KCTD16: variants seen among roughly 807,000 people sequenced by gnomAD.
The protein encoded by KCTD16 is potassium channel tetramerization domain containing 16.
In KCTD16, 13 loss-of-function variants were observed where a neutral mutation model predicts 33.2. That is an observed-to-expected ratio of 0.39 (90% CI 0.25 to 0.62). The LOEUF (loss-of-function observed/expected upper bound fraction) is 0.62. Ranked by LOEUF, KCTD16 falls within the 20% of genes least tolerant of loss-of-function variation. The pLI, the probability that KCTD16 is intolerant of heterozygous loss-of-function variation, is 0.50. For synonymous variants in KCTD16, 197 were observed against 195.3 expected, an observed-to-expected ratio of 1.01 and a Z score of -0.07; for missense variants, 441 against 525.1, an observed-to-expected ratio of 0.84 and a Z score of 1.57.
intron 3 of KCTD16, among the ~76,000 whole-genome samples, chr5:144,405,150 A>G (rs914821797): frequency 6.6e-6 from 1 of 152,220 alleles, no homozygotes; most frequent in South Asian, 2.1e-4. Flanking sequence ...AATTTGAACC[A>G]CAACTTTCTA....
At chr5:144,328,862 T>C (rs1416714998) in intron 3 of KCTD16, among the ~76,000 whole-genome samples, 6 of 134,098 alleles carry the variant, frequency 4.5e-5, no homozygotes, top group African/African-American at 1.9e-4. Context: ...GTAGCTTTTT[T>C]CTTTTTTTTT....
At chr5:144,176,387 CTTTTTTTTTTTTTT>C (rs368578231) in intron 2 of KCTD16, among the ~76,000 whole-genome samples, 3 of 106,660 alleles carry the variant, frequency 2.8e-5, no homozygotes, top group Non-Finnish European at 5.9e-5. Flanking sequence ...TATAGTGTTT[CTTTTTTTTTTTTTT>C]TTTTTTTTTT....
chr5:144,283,034 A>G (rs889286083), intron 3 of KCTD16, among the ~76,000 whole-genome samples: 6 of 152,022 alleles, frequency 3.9e-5, no homozygotes, highest in Non-Finnish European at 7.4e-5. Context: ...AAGAGGGGGA[A>G]TTGGATTTCT....
At chr5:144,208,504 A>G (rs1434644833) in intron 3 of KCTD16, among the ~76,000 whole-genome samples, 1 of 152,260 alleles carries the variant, frequency 6.6e-6, no homozygotes, top group Non-Finnish European at 1.5e-5. Context: ...GCCGATTTTC[A>G]ACAGGCCCAG....
chr5:144,270,977 T>C (rs1001509430), intron 3 of KCTD16, among the ~76,000 whole-genome samples: 3 of 151,794 alleles, frequency 2.0e-5, no homozygotes, highest in Non-Finnish European at 2.9e-5. Flanking sequence ...CATGAAAAAA[T>C]AGAAAATTTG....
chr5:144,398,706 A>ACTCTCTCT (rs202105888), intron 3 of KCTD16, among the ~76,000 whole-genome samples: 1 of 146,498 alleles, frequency 6.8e-6, no homozygotes, highest in Admixed American at 6.7e-5. Flanking sequence ...ACACACACAC[A>ACTCTCTCT]CACTCTCTCT....
intron 3 of KCTD16, among the ~76,000 whole-genome samples, chr5:144,296,394 G>A (rs573210772): frequency 6.6e-6 from 1 of 152,308 alleles, no homozygotes; most frequent in Admixed American, 6.5e-5. Flanking sequence ...AGGTAGGCAT[G>A]TTGGCAACTC....
chr5:144,283,073 A>G (rs892747880), intron 3 of KCTD16, among the ~76,000 whole-genome samples: 2 of 152,044 alleles, frequency 1.3e-5, no homozygotes, highest in Admixed American at 1.3e-4. Flanking sequence ...TTATACTTTA[A>G]GTTCTAGGGT....
intron 2 of KCTD16, among the ~76,000 whole-genome samples, chr5:144,203,573 G>A (rs1400710597): frequency 1.3e-5 from 2 of 152,084 alleles, no homozygotes; most frequent in Non-Finnish European, 2.9e-5. Context: ...CCTCAAGTCC[G>A]TTTTAGCTCT....
chr5:144,369,859 A>ATT (rs1329337081), intron 3 of KCTD16, among the ~76,000 whole-genome samples: 1 of 152,194 alleles, frequency 6.6e-6, no homozygotes, highest in East Asian at 1.9e-4. Context: ...ATAGTTATGT[A>ATT]TTTTTAATAG....
At chr5:144,286,134 A>G (rs765823085) in intron 3 of KCTD16, among the ~76,000 whole-genome samples, 25 of 152,010 alleles carry the variant, frequency 1.6e-4, no homozygotes, top group Non-Finnish European at 1.9e-4. Context: ...CTTTGTTTTT[A>G]GATAGCTCTC....
intron 3 of KCTD16, among the ~76,000 whole-genome samples, chr5:144,277,108 T>C (rs1755458860): frequency 6.6e-6 from 1 of 152,202 alleles, no homozygotes; most frequent in South Asian, 2.1e-4. Context: ...TCCCTGTGGG[T>C]GAAAAACTCA....
intron 3 of KCTD16, among the ~76,000 whole-genome samples, chr5:144,393,966 T>TC (rs1211550879): frequency 1.2e-4 from 17 of 145,766 alleles, no homozygotes; most frequent in Non-Finnish European, 2.6e-4. Flanking sequence ...CTTTTTTCTT[T>TC]TTTTTTTTTT....
rs60099462 is a variant in KCTD16 at position 144,441,772 on chromosome 5, G to GT, written c.833-31875dup. Among the ~76,000 whole-genome samples, 204 of 111,808 alleles carry GT rather than the reference G, an allele frequency of 1.8e-3. 1 individual carries two copies. Among genetic ancestry groups the GT allele is most frequent in the South Asian group, 9.6e-3 (31 of 3,244 alleles). The allele number at this position is 111,808 out of a possible 152,430, so 73.4% of individuals were successfully genotyped here. A position where few individuals can be genotyped will look rare whatever the true frequency, so the allele number is the denominator to read the frequency against. ...CAGGATATATGAGTTCTCTAAATTT[G>GT]TTTTTTTTTTTTTAAGATTTCTTTC... is the stretch of plus-strand genomic sequence containing the variant. On this transcript the variant is annotated intron_variant, in intron 3 of 3. Coordinates refer to ENST00000512467, the MANE Select transcript of KCTD16 (RefSeq NM_020768.4).
intron 3 of KCTD16, among the ~76,000 whole-genome samples, chr5:144,299,136 ATATATATATATATTT>A (rs1460292268): frequency 3.9e-4 from 12 of 30,428 alleles, no homozygotes; most frequent in African/African-American, 1.1e-3. Context: ...ATATATATAT[ATATATATATATATTT>A]TTTTTTTTTT....
chr5:144,249,221 C>T (rs539993725), intron 3 of KCTD16, among the ~76,000 whole-genome samples: 76 of 152,082 alleles, frequency 5.0e-4, no homozygotes, highest in South Asian at 1.5e-3. Flanking sequence ...ACTTGCAGTT[C>T]GTGTTCTCCG....
At chr5:144,449,131 T>C (rs1439708624) in intron 3 of KCTD16, among the ~76,000 whole-genome samples, 1 of 152,038 alleles carries the variant, frequency 6.6e-6, no homozygotes, top group African/African-American at 2.4e-5. Flanking sequence ...AAGTTAAGTA[T>C]AGTTAGAGAG....
chr5:144,312,689 G>A lies in KCTD16; in HGVS notation c.832+105143G>A, dbSNP rs190746810. 1.8e-4 allele frequency among the ~76,000 whole-genome samples: 28 copies of A among 152,304 alleles called. No homozygotes were observed. In the East Asian group the frequency reaches 4.4e-3, roughly 24 times the overall value. On this transcript the variant is annotated intron_variant, in intron 3 of 3. Coordinates refer to ENST00000512467, the MANE Select transcript of KCTD16 (RefSeq NM_020768.4). Reference sequence around the variant, plus strand: ...CTCTTCTTCAAATGAGAAGGTGTCTGCCACAAAGAAAAATGTAAAATAATG... The same window carrying A: ...CTCTTCTTCAAATGAGAAGGTGTCTACCACAAAGAAAAATGTAAAATAATG...
rs1448123653 is a variant in KCTD16, at chr5:144,482,429, A to T, written c.*8315A>T. On this transcript the variant is annotated 3_prime_UTR_variant, in exon 4 of 4. Transcript: ENST00000512467. ...CACCTGCAATTGCTTGCTGTGCTGC[A>T]CACAGGTCACTAGGGCAAGCTTCAG... 6.6e-6 allele frequency: 1 copy of T among 151,984 alleles called. No homozygotes were observed. 9.4% of individuals were successfully genotyped at this position (151,984 alleles called of 1,614,324 possible).
Sources: gnomAD v4.1 joint callset for allele counts (sites outside exome capture counted in the v4.1 genomes callset) on GRCh38, gnomAD v4.1.1 for gene constraint, MANE v1.5 for transcripts, NCBI Gene and HGNC (gene_info 2026-07-23, HGNC 2026-07-21) for gene names.